The following TLK1 variants were observed in gnomAD, a reference collection of about 807,000 sequenced individuals.
The protein encoded by TLK1 is tousled like kinase 1.
A neutral mutation model predicts 105.3 loss-of-function variants in TLK1; 24 were observed. The ratio of observed to expected loss-of-function variants is 0.23; its 90% CI spans 0.17 to 0.32. The LOEUF (loss-of-function observed/expected upper bound fraction) is 0.32. TLK1 is among the 10% of genes least tolerant of loss of function. The probability of loss-of-function intolerance (pLI) is 1.00; values close to 1 mark genes in which losing one functional copy is unlikely to be tolerated. For missense variants in TLK1, 558 were observed against 910.5 expected, an observed-to-expected ratio of 0.61 and a Z score of 4.98; for synonymous variants, 321 against 310.4, an observed-to-expected ratio of 1.03 and a Z score of -0.36.
At chr2:171,209,877 A>C (rs1693579397) in intron 1 of TLK1, among the ~76,000 whole-genome samples, 1 of 152,136 alleles carries the variant, frequency 6.6e-6, no homozygotes, top group Non-Finnish European at 1.5e-5. Context: ...AAAGAAAATA[A>C]ATTTTTGTCA....
chr2:171,086,258 GA>G lies in TLK1; in HGVS notation c.259-3407del, dbSNP rs551278980. Among the ~76,000 whole-genome samples, 513 of 151,878 alleles carry G rather than the reference GA, an allele frequency of 3.4e-3. 6 individuals carry two copies. The highest frequency in any genetic ancestry group is 0.012 in the African/African-American group (486 of 41,446). On this transcript the variant is annotated intron_variant, in intron 2 of 20. Transcript: ENST00000431350. The stretch of plus-strand genomic sequence containing the variant: ...TACAGATAACTATATATAAATCCTG[GA>G]AAAAAAGGATTTAAAAAAGCCACTA...
chr2:171,205,324 T>C lies in TLK1; in HGVS notation c.-6+25821A>G, dbSNP rs1317769774. 1.1e-4 allele frequency among the ~76,000 whole-genome samples: 4 copies of C among 35,506 alleles called. No homozygotes were observed. The Admixed American group carries it at 1.3e-3, about 11-fold the overall frequency. 23.3% of individuals were successfully genotyped at this position (35,506 alleles called of 152,430 possible). A position where few individuals can be genotyped will look rare whatever the true frequency, so the allele number is the denominator to read the frequency against. On this transcript the variant is annotated intron_variant, in intron 1 of 20. Coordinates refer to the TLK1 transcript ENST00000521943. ...ACACACTTATTGATTCTAAGACAGC[T>C]TTTTTTTTTTTTTCCCCCAACAGGG...
At chr2:171,124,287 T>C (rs934353157) in intron 1 of TLK1, among the ~76,000 whole-genome samples, 1 of 152,228 alleles carries the variant, frequency 6.6e-6, no homozygotes, top group African/African-American at 2.4e-5. Context: ...ACCACATTCT[T>C]TCAAATATAG....
At chr2:171,065,914 C>A (rs1687972177) in intron 3 of TLK1, among the ~76,000 whole-genome samples, 1 of 152,206 alleles carries the variant, frequency 6.6e-6, no homozygotes, top group South Asian at 2.1e-4. Context: ...GCATGACAAA[C>A]CTTTTTGCTG....
intron 18 of TLK1, 41 bp downstream of exon 18, chr2:171,006,106 C>A: frequency 2.0e-6 from 3 of 1,465,348 alleles, no homozygotes; most frequent in South Asian, 1.6e-5. Flanking sequence ...AAGCACTGGG[C>A]ACCAATCTAG....
At chr2:171,145,033 G>A (rs933253426) in intron 1 of TLK1, among the ~76,000 whole-genome samples, 4 of 152,174 alleles carry the variant, frequency 2.6e-5, no homozygotes, top group Admixed American at 2.6e-4. Context: ...TTACAGCCAG[G>A]CACGGTGGCT....
chr2:171,202,076 A>C (rs1266969338), intron 1 of TLK1, among the ~76,000 whole-genome samples: 1 of 152,232 alleles, frequency 6.6e-6, no homozygotes, highest in Non-Finnish European at 1.5e-5. Flanking sequence ...TACTATGCCT[A>C]AAACACACAG....
At chr2:171,036,143 T>G (rs531570683) in intron 11 of TLK1, among the ~76,000 whole-genome samples, 7 of 152,298 alleles carry the variant, frequency 4.6e-5, no homozygotes, top group African/African-American at 1.7e-4. Flanking sequence ...GCTAGAATTT[T>G]AAGAAGCATA....
intron 1 of TLK1, among the ~76,000 whole-genome samples, chr2:171,215,952 A>G (rs1325597091): frequency 6.6e-6 from 1 of 152,200 alleles, no homozygotes; most frequent in African/African-American, 2.4e-5. Context: ...TAGCTAACAC[A>G]TATCAAGATT....
intron 11 of TLK1, among the ~76,000 whole-genome samples, chr2:171,035,120 C>T (rs1002101512): frequency 1.3e-5 from 2 of 151,946 alleles, no homozygotes; most frequent in Non-Finnish European, 2.9e-5. Flanking sequence ...GAGGGTGGAT[C>T]ACCTGAGGTC....
chr2:171,201,713 A>T (rs949927385), intron 1 of TLK1, among the ~76,000 whole-genome samples: 3 of 152,124 alleles, frequency 2.0e-5, no homozygotes, highest in African/African-American at 7.2e-5. Flanking sequence ...TCTTTCACTT[A>T]AAGTTTTCTG....
intron 11 of TLK1, among the ~76,000 whole-genome samples, chr2:171,033,325 T>A (rs2105400880): frequency 6.6e-6 from 1 of 151,836 alleles, no homozygotes; most frequent in South Asian, 2.1e-4. Flanking sequence ...GTAACAAAAA[T>A]CAACAAAATA....
intron 12 of TLK1, among the ~76,000 whole-genome samples, chr2:171,017,252 A>T (rs1385445566): frequency 6.6e-6 from 1 of 152,176 alleles, no homozygotes; most frequent in African/African-American, 2.4e-5. Context: ...TCTAGATTCA[A>T]TTCTAATCTA....
In TLK1 at chr2:171,160,373, A is replaced by G; in HGVS notation, c.56T>C (p.Leu19Pro). Reference sequence around the variant, plus strand: ...CGAGCCCGGGGTTGGAGACGTGGAGAGCTGGGACCAAGATGGCGGCCCCTC... The same window carrying G: ...CGAGCCCGGGGTTGGAGACGTGGAGGGCTGGGACCAAGATGGCGGCCCCTC... ...SLEGPPSWSQLSTSPTPGSAA... is the reference protein window; with the variant it reads ...SLEGPPSWSQPSTSPTPGSAA... Residue 19 changes from leucine (L) to proline (P), a missense_variant, in exon 1 of 21, where the codon CTC (leucine) becomes CCC (proline). By Grantham distance (98) the Leu-to-Pro change is moderately conservative (BLOSUM62 -3). This residue lies in a region of TLK1 where 104 missense variants were observed against 116.0 expected (regional missense o/e 0.90). Coordinates refer to ENST00000431350, the MANE Select transcript of TLK1 (RefSeq NM_012290.5). This position sits in a 1 kb window ranked among gnomAD's most constrained non-coding sequence, Gnocchi z 4.4. 1 of 1,605,370 alleles carries G rather than the reference A, an allele frequency of 6.2e-7. No homozygotes were observed. Among genetic ancestry groups the G allele is most frequent in the Non-Finnish European group, 8.5e-7 (1 of 1,176,522 alleles).
At chr2:171,168,661 T>G (rs1692659058) in intron 1 of TLK1, among the ~76,000 whole-genome samples, 1 of 152,218 alleles carries the variant, frequency 6.6e-6, no homozygotes, top group Non-Finnish European at 1.5e-5. Context: ...AGACTTTAGC[T>G]ATAGATACAA....
intron 19 of TLK1, 26 bp from the exon 20 acceptor site, chr2:170,996,786 A>T: frequency 6.4e-7 from 1 of 1,557,946 alleles, no homozygotes; most frequent in Non-Finnish European, 8.7e-7. Flanking sequence ...AAATGTTGAG[A>T]TACTTTTCTC....
intron 3 of TLK1, among the ~76,000 whole-genome samples, chr2:171,066,473 T>C (rs1010269504): frequency 3.9e-5 from 6 of 152,212 alleles, no homozygotes; most frequent in Admixed American, 2.0e-4. Context: ...ACCTCATACA[T>C]TTTTGTAAAG....
At chr2:171,218,302 A>C (rs981053165) in intron 1 of TLK1, among the ~76,000 whole-genome samples, 2 of 152,110 alleles carry the variant, frequency 1.3e-5, no homozygotes, top group Non-Finnish European at 2.9e-5. Context: ...ACAACAAAAA[A>C]AAAACAGAGT....
chr2:171,154,390 G>T (rs1002513623), intron 1 of TLK1: 1 of 151,614 alleles, frequency 6.6e-6, no homozygotes, highest in African/African-American at 2.4e-5. Context: ...TTTTACAGAT[G>T]AAAAGAGGCT....
Sources: allele counts gnomAD v4.1 joint callset (sites outside exome capture counted in the v4.1 genomes callset), GRCh38; gene constraint gnomAD v4.1.1; regional missense constraint gnomAD v4.1.1; non-coding constraint Gnocchi (gnomAD v3.1); transcripts MANE v1.5; gene names NCBI Gene and HGNC (gene_info 2026-07-23, HGNC 2026-07-21).